TIAM1: variants seen among roughly 807,000 people sequenced by gnomAD.
TIAM1 encodes the protein rho guanine nucleotide exchange factor TIAM1.
A neutral mutation model predicts 163.5 loss-of-function variants in TIAM1; 65 were observed. The observed-to-expected ratio is 0.40, with a 90% CI of 0.33 to 0.49. The LOEUF (loss-of-function observed/expected upper bound fraction) is 0.49. TIAM1 is among the 20% of genes least tolerant of loss of function. The pLI, the probability that TIAM1 is intolerant of heterozygous loss-of-function variation, is 0.77. For synonymous variants in TIAM1, 833 were observed against 810.1 expected, an observed-to-expected ratio of 1.03 and a Z score of -0.48; for missense variants, 1,789 against 2,044.7, an observed-to-expected ratio of 0.87 and a Z score of 2.41.
At chr21:31,391,872 TAC>T (rs201602321) in intron 2 of TIAM1, among the ~76,000 whole-genome samples, 2,077 of 152,256 alleles carry the variant, frequency 0.014, 22 homozygotes, top group Non-Finnish European at 0.022. Flanking sequence ...CGGTTAGACT[TAC>T]AGTTTTTGAC....
intron 3 of TIAM1, among the ~76,000 whole-genome samples, chr21:31,268,071 T>C (rs2072884398): frequency 6.6e-6 from 1 of 152,142 alleles, no homozygotes; most frequent in Non-Finnish European, 1.5e-5. Context: ...TCAAATTGTA[T>C]GCACTTAAGA....
chr21:31,289,572 C>G (rs1215635497), intron 2 of TIAM1, among the ~76,000 whole-genome samples: 1 of 152,112 alleles, frequency 6.6e-6, no homozygotes, highest in Non-Finnish European at 1.5e-5. Context: ...GATATTTTGG[C>G]TGTACAACAA....
chr21:31,297,654 G>A (rs2146943311), intron 2 of TIAM1, among the ~76,000 whole-genome samples: 1 of 152,312 alleles, frequency 6.6e-6, no homozygotes, highest in Non-Finnish European at 1.5e-5. Context: ...AAAGTGCTGG[G>A]ATTACAGGCA....
At chr21:31,456,601 C>T (rs2147339152) in intron 2 of TIAM1, among the ~76,000 whole-genome samples, 1 of 144,890 alleles carries the variant, frequency 6.9e-6, no homozygotes, top group South Asian at 2.3e-4. Context: ...AGTTGATCAA[C>T]TTTCATGTTT....
chr21:31,330,096 T>C (rs933991336), intron 2 of TIAM1, among the ~76,000 whole-genome samples: 4 of 152,214 alleles, frequency 2.6e-5, no homozygotes, highest in African/African-American at 7.2e-5. Flanking sequence ...GTAGATTCCA[T>C]GGCTTTGGAT....
chr21:31,382,116 C>A (rs2076788306), intron 2 of TIAM1, among the ~76,000 whole-genome samples: 1 of 152,116 alleles, frequency 6.6e-6, no homozygotes, highest in Non-Finnish European at 1.5e-5. Flanking sequence ...AGCAGAAATT[C>A]TTGAATTAGA....
chr21:31,459,266 C>A (rs1323740352), intron 2 of TIAM1, among the ~76,000 whole-genome samples: 1 of 152,132 alleles, frequency 6.6e-6, no homozygotes, highest in Non-Finnish European at 1.5e-5. Flanking sequence ...CACGTGCCAC[C>A]ATGCCCAGTT....
intron 2 of TIAM1, among the ~76,000 whole-genome samples, chr21:31,355,221 C>G (rs898184938): frequency 6.6e-6 from 1 of 151,066 alleles, no homozygotes; most frequent in South Asian, 2.1e-4. Flanking sequence ...CATTAACCGT[C>G]TGGTAGAAAC....
intron 22 of TIAM1, among the ~76,000 whole-genome samples, chr21:31,138,442 A>G (rs994770190): frequency 2.0e-5 from 3 of 152,218 alleles, no homozygotes; most frequent in Non-Finnish European, 4.4e-5. Context: ...GATACTGATA[A>G]ATGTTCCTAT....
At chr21:31,320,168 T>G (rs369057269) in intron 2 of TIAM1, among the ~76,000 whole-genome samples, 3 of 152,188 alleles carry the variant, frequency 2.0e-5, no homozygotes, top group African/African-American at 7.2e-5. Context: ...AATGAAATTC[T>G]GACACATACT....
chr21:31,385,898 A>C (rs2076862207), intron 2 of TIAM1, among the ~76,000 whole-genome samples: 1 of 146,882 alleles, frequency 6.8e-6, no homozygotes, highest in African/African-American at 2.5e-5. Context: ...TAATTATATT[A>C]GTTAATATAA....
chr21:31,362,063 G>A (rs1021786286), intron 2 of TIAM1, among the ~76,000 whole-genome samples: 10 of 152,120 alleles, frequency 6.6e-5, no homozygotes, highest in African/African-American at 9.7e-5. Flanking sequence ...AGGGAGGCTA[G>A]ACAGAGAGAT....
intron 6 of TIAM1, among the ~76,000 whole-genome samples, chr21:31,234,435 T>TA (rs532421842): frequency 0.011 from 1,586 of 149,786 alleles, 26 homozygotes; most frequent in African/African-American, 0.037. Context: ...TTTTAGGAAT[T>TA]AAAAAAAAAT....
chr21:31,546,655 C>T (rs1245978652), intron 1 of TIAM1, among the ~76,000 whole-genome samples: 1 of 152,046 alleles, frequency 6.6e-6, no homozygotes, highest in Non-Finnish European at 1.5e-5. Flanking sequence ...ACCATTTTAA[C>T]ACTGCTAGAG....
At chr21:31,538,931 C>T (rs78207730) in intron 1 of TIAM1, among the ~76,000 whole-genome samples, 1 of 152,144 alleles carries the variant, frequency 6.6e-6, no homozygotes, top group Non-Finnish European at 1.5e-5. Context: ...TACCATGCCT[C>T]CCGTAATGGA....
intron 2 of TIAM1, among the ~76,000 whole-genome samples, chr21:31,455,203 C>A (rs1437883694): frequency 6.8e-6 from 1 of 146,670 alleles, no homozygotes; most frequent in Non-Finnish European, 1.5e-5. Context: ...TGCTTGAATC[C>A]AAGAGGCAGA....
intron 7 of TIAM1, among the ~76,000 whole-genome samples, chr21:31,223,856 T>A (rs2087772317): frequency 1.3e-5 from 2 of 152,146 alleles, no homozygotes; most frequent in African/African-American, 4.8e-5. Context: ...GTCTATCAAC[T>A]CCAAGATCTG....
In TIAM1 at chr21:31,120,505, C is replaced by A. The variant is rs1481009175; in HGVS notation, c.4639G>T (p.Ala1547Ser). Reference sequence around the variant, plus strand: ...TTCTTGAGCTGTGCCATGCGGGACGCGTGACTATCCAGGGTTTTCCGGCCT... The same window carrying A: ...TTCTTGAGCTGTGCCATGCGGGACGAGTGACTATCCAGGGTTTTCCGGCCT... The part of the protein sequence containing the change: ...ERGRKTLDSH[A>S]SRMAQLKKQA... Residue 1547 changes from alanine (A) to serine (S), a missense_variant, in exon 28 of 28, where the codon GCG becomes TCG. Transcript: ENST00000541036. This position sits in a 1 kb window ranked among gnomAD's most constrained non-coding sequence, Gnocchi z 4.2. The A allele has an allele frequency of 8.7e-6, 14 of 1,614,100 alleles. No homozygotes were observed. The highest frequency in any genetic ancestry group is 1.2e-5 in the Non-Finnish European group (14 of 1,180,056).
intron 1 of TIAM1, among the ~76,000 whole-genome samples, chr21:31,466,224 C>T (rs924774044): frequency 6.6e-6 from 1 of 152,144 alleles, no homozygotes; most frequent in African/African-American, 2.4e-5. Flanking sequence ...GCAAAGACGT[C>T]TGGAGATCAG....
Sources: allele counts gnomAD v4.1 joint callset (sites outside exome capture counted in the v4.1 genomes callset), GRCh38; gene constraint gnomAD v4.1.1; non-coding constraint Gnocchi (gnomAD v3.1); transcripts MANE v1.5; gene names NCBI Gene and HGNC (gene_info 2026-07-23, HGNC 2026-07-21).